NRXN2: variants seen among roughly 807,000 people sequenced by gnomAD.
NRXN2 encodes the protein neurexin 2, also known as neurexin-2-beta.
A neutral mutation model predicts 128.8 loss-of-function variants in NRXN2; 29 were observed. That is an observed-to-expected ratio of 0.23 (90% CI 0.17 to 0.31). NRXN2 has a LOEUF of 0.31. NRXN2 is among the 10% of genes least tolerant of loss of function. The pLI, the probability that NRXN2 is intolerant of heterozygous loss-of-function variation, is 1.00. For synonymous variants in NRXN2, 1,098 were observed against 1,075.2 expected, an observed-to-expected ratio of 1.02 and a Z score of -0.41; for missense variants, 1,881 against 2,452.6, an observed-to-expected ratio of 0.77 and a Z score of 4.92.
chr11:64,664,478 CAAAA>C (rs11378464), intron 9 of NRXN2, among the ~76,000 whole-genome samples: 1 of 98,654 alleles, frequency 1.0e-5, no homozygotes, highest in African/African-American at 3.2e-5. Context: ...AACTCCGTGT[CAAAA>C]AAAAAAAAAA....
rs758908751 is a variant in NRXN2 at position 64,713,334 on chromosome 11, G to A, written c.366C>T (p.Arg122=). The change falls in exon 2 of 23, where the codon CGC becomes CGT. Residue 122 remains arginine, a synonymous_variant. Coordinates refer to ENST00000265459, the MANE Select transcript of NRXN2 (RefSeq NM_015080.4). Reference sequence around the variant, plus strand: ...CGCCGTCCACCGCCAGCGCCGTGCGGCGCGCGTCGCGGGTCAGCAGCACCA... The same window carrying A: ...CGCCGTCCACCGCCAGCGCCGTGCGACGCGCGTCGCGGGTCAGCAGCACCA... ...WHMVLLTRDA[R]RTALAVDGEA... 6 of 1,375,238 alleles carry A rather than the reference G, an allele frequency of 4.4e-6. No individual in the cohort carries two copies. The highest frequency in any genetic ancestry group is 3.7e-6 in the Non-Finnish European group (4 of 1,072,414). The allele number at this position is 1,375,238 out of a possible 1,614,324, so 85.2% of individuals were successfully genotyped here. A position where few individuals can be genotyped will look rare whatever the true frequency, so the allele number is the denominator to read the frequency against.
intron 9 of NRXN2, 161 bp from the exon 10 acceptor site, chr11:64,661,300 C>T: frequency 2.0e-6 from 3 of 1,504,116 alleles, no homozygotes; most frequent in Non-Finnish European, 8.8e-7. Flanking sequence ...AGCTCGGCCT[C>T]ACTCACTGCA....
intron 22 of NRXN2, among the ~76,000 whole-genome samples, chr11:64,619,428 T>C (rs2041997250): frequency 6.6e-6 from 1 of 151,772 alleles, no homozygotes; most frequent in African/African-American, 2.4e-5. Context: ...TGGCACTCAC[T>C]GCACCACTCC....
rs2043718573 is a variant in NRXN2, at chr11:64,630,371, C to G, written c.3757+31G>C. On this transcript the variant is annotated intron_variant, in intron 19 of 22. Transcript: ENST00000265459. The surrounding 1 kb of genome is among the most constrained non-coding windows in gnomAD (Gnocchi z 4.6). ...CAGAGGCCGCCACCCGCCCCGCCACCGCGCCTCCTCCGCGGGCCCGCGCCG... is the reference window on the plus strand; with the variant it reads ...CAGAGGCCGCCACCCGCCCCGCCACGGCGCCTCCTCCGCGGGCCCGCGCCG... The G allele has an allele frequency of 1.9e-6, 3 of 1,597,362 alleles. No individual in the cohort carries two copies. The highest frequency in any genetic ancestry group is 1.3e-5 in the African/African-American group (1 of 74,508).
rs1281063984 is a variant in NRXN2 at position 64,650,588 on chromosome 11, C to T, written c.2969G>A (p.Gly990Glu). ...DLGNGPSLMK[G>E]NSDKPVNDNQ... ...GTCATTGACTGGTTTGTCTGAGTTCCCCTTCATCAAGGACGGGCCATTCCC... is the reference window on the plus strand; with the variant it reads ...GTCATTGACTGGTTTGTCTGAGTTCTCCTTCATCAAGGACGGGCCATTCCC... Residue 990 changes from glycine to glutamate, a missense_variant, in exon 15 of 23, where the codon GGG becomes GAG. Physicochemically the swap from Gly to Glu is moderately conservative, Grantham distance 98. Coordinates refer to ENST00000265459, the MANE Select transcript of NRXN2 (RefSeq NM_015080.4). 6.2e-7 allele frequency: 1 copy of T among 1,614,010 alleles called. No individual in the cohort carries two copies. The highest frequency in any genetic ancestry group is 1.3e-5 in the African/African-American group (1 of 74,890).
At chr11:64,687,725 G>A (rs541549897) in intron 5 of NRXN2, among the ~76,000 whole-genome samples, 35 of 152,158 alleles carry the variant, frequency 2.3e-4, no homozygotes, top group Non-Finnish European at 4.3e-4. Context: ...AAATGAAGAC[G>A]GCTCAGGGCT....
At chr11:64,677,063 G>C in intron 6 of NRXN2, 26 bp from the exon 7 acceptor site, 1 of 1,383,748 alleles carries the variant, frequency 7.2e-7, no homozygotes, top group Non-Finnish European at 9.7e-7. Flanking sequence ...GGGGGGATGG[G>C]GAGGAGGGGG....
chr11:64,626,382 G>T, intron 20 of NRXN2, 81 bp downstream of exon 20: 1 of 1,168,448 alleles, frequency 8.6e-7, no homozygotes, highest in Non-Finnish European at 1.2e-6. Flanking sequence ...TGAAGGCACG[G>T]AGGGGGAAAG....
intron 2 of NRXN2, among the ~76,000 whole-genome samples, chr11:64,711,832 C>T (rs2056924937): frequency 6.6e-6 from 1 of 152,210 alleles, no homozygotes. Flanking sequence ...CCACCCTCTC[C>T]CTCGTTTTCC....
At chr11:64,701,905 G>T (rs1262217759) in intron 2 of NRXN2, among the ~76,000 whole-genome samples, 2 of 141,910 alleles carry the variant, frequency 1.4e-5, no homozygotes, top group Non-Finnish European at 3.1e-5. Flanking sequence ...AGGGAGGTGG[G>T]GGGGGTCAGC....
intron 6 of NRXN2, among the ~76,000 whole-genome samples, chr11:64,678,319 C>G (rs2051655262): frequency 6.6e-6 from 1 of 152,064 alleles, no homozygotes; most frequent in African/African-American, 2.4e-5. Context: ...CCCAAAAGTT[C>G]TCCAGGCTCT....
At chr11:64,702,244 G>A (rs1324869272) in intron 2 of NRXN2, among the ~76,000 whole-genome samples, 3 of 152,010 alleles carry the variant, frequency 2.0e-5, no homozygotes, top group South Asian at 2.1e-4. Flanking sequence ...CTGCCCGGCC[G>A]CCCCTACTGG....
chr11:64,650,581 T>G lies in NRXN2; in HGVS notation c.2976A>C (p.Ser992=). 1 of 1,614,132 alleles carries G rather than the reference T, an allele frequency of 6.2e-7. No individual in the cohort carries two copies. The highest frequency in any genetic ancestry group is 8.5e-7 in the Non-Finnish European group (1 of 1,180,034). Residue 992 remains serine (S), a synonymous_variant, in exon 15 of 23, where the codon TCA becomes TCC. Transcript: ENST00000265459. ...GNGPSLMKGN[S]DKPVNDNQWH... The stretch of plus-strand genomic sequence containing the variant: ...ACTGGTTGTCATTGACTGGTTTGTC[T>G]GAGTTCCCCTTCATCAAGGACGGGC...
chr11:64,710,250 G>GAC (rs145374338), intron 2 of NRXN2, among the ~76,000 whole-genome samples: 4 of 150,656 alleles, frequency 2.7e-5, no homozygotes, highest in South Asian at 2.1e-4. Context: ...CACACACACA[G>GAC]ACACACACAC....
Position 64,699,295 on chromosome 11 carries a change from T to A in NRXN2, c.731-1503A>T, listed in dbSNP as rs551917190. ...AGCCAGCGATGAACACAGCTCTTTA[T>A]CTCCCATTTCCTAAACCTACATACA... is the stretch of plus-strand genomic sequence containing the variant. On this transcript the variant is annotated intron_variant, in intron 2 of 22. Coordinates refer to ENST00000265459, the MANE Select transcript of NRXN2 (RefSeq NM_015080.4). Among the ~76,000 whole-genome samples the A allele has an allele frequency of 9.9e-5, 15 of 152,210 alleles. No individual in the cohort carries two copies. In the South Asian group the frequency reaches 3.1e-3, roughly 32 times the overall value.
chr11:64,665,288 A>G (rs2049679656), intron 9 of NRXN2, among the ~76,000 whole-genome samples: 1 of 151,910 alleles, frequency 6.6e-6, no homozygotes, highest in African/African-American at 2.4e-5. Context: ...TCAAAAAAAA[A>G]AAAAGAAAGA....
intron 17 of NRXN2, chr11:64,642,500 C>T (rs781645773): frequency 3.2e-5 from 51 of 1,588,212 alleles, no homozygotes; most frequent in Admixed American, 2.4e-4. Flanking sequence ...CCCCCGCCCC[C>T]GGGCCAACCG....
rs1345264128 is a variant in NRXN2 at position 64,667,628 on chromosome 11, G to A, written c.1420C>T (p.Pro474Ser). The change falls in exon 9 of 23, where the codon CCC becomes TCC. Residue 474 changes from proline to serine, a missense_variant. Physicochemically the swap from Pro to Ser is moderately conservative, Grantham distance 74. This residue lies in a region of NRXN2 where 997 missense variants were observed against 1,240.8 expected (regional missense o/e 0.80). Coordinates refer to ENST00000265459, the MANE Select transcript of NRXN2 (RefSeq NM_015080.4). This position sits in a 1 kb window ranked among gnomAD's most constrained non-coding sequence, Gnocchi z 5.6. The part of the protein sequence containing the change: ...ELSRLAKEGD[P>S]KMKLQGDLSF... ...AAGTCCCCCTGCAGCTTCATCTTGGGGTCCCCTTCCTTTGCCAGGCGGGAT... is the reference window on the plus strand; with the variant it reads ...AAGTCCCCCTGCAGCTTCATCTTGGAGTCCCCTTCCTTTGCCAGGCGGGAT... 3.7e-6 allele frequency: 6 copies of A among 1,614,080 alleles called. No homozygotes were observed. Among genetic ancestry groups the A allele is most frequent in the East Asian group, 2.2e-5 (1 of 44,892 alleles).
chr11:64,700,535 T>C (rs2055189644), intron 2 of NRXN2, among the ~76,000 whole-genome samples: 1 of 152,196 alleles, frequency 6.6e-6, no homozygotes, highest in African/African-American at 2.4e-5. Flanking sequence ...CTCGGTGTTA[T>C]CTATCGACTC....
Sources: gnomAD v4.1 joint callset for allele counts (sites outside exome capture counted in the v4.1 genomes callset) on GRCh38, gnomAD v4.1.1 for gene constraint, gnomAD v4.1.1 regional missense constraint, Gnocchi (gnomAD v3.1) non-coding constraint, MANE v1.5 for transcripts, NCBI Gene and HGNC (gene_info 2026-07-23, HGNC 2026-07-21) for gene names.